PLEKHD1: variants seen among roughly 807,000 people sequenced by gnomAD.
PLEKHD1 encodes the protein pleckstrin homology and coiled-coil domain containing D1.
Under a neutral mutation model 69.2 loss-of-function variants are expected in PLEKHD1, and 51 were observed. The ratio of observed to expected loss-of-function variants is 0.74; its 90% CI spans 0.59 to 0.93. The LOEUF (loss-of-function observed/expected upper bound fraction) is 0.93. Among genes scored for constraint, PLEKHD1 ranks in the 40% least tolerant of loss-of-function variants. The pLI is 0.00. For missense variants in PLEKHD1, 584 were observed against 641.0 expected, an observed-to-expected ratio of 0.91 and a Z score of 0.96; for synonymous variants, 236 against 244.7, an observed-to-expected ratio of 0.96 and a Z score of 0.33.
chr14:69,502,728 T>C, intron 5 of PLEKHD1, 99 bp from the exon 6 acceptor site: 3 of 1,468,028 alleles, frequency 2.0e-6, no homozygotes, highest in Non-Finnish European at 2.8e-6. Flanking sequence ...TGGGAGATGC[T>C]GGGGGTGACA....
chr14:69,507,571 G>GT (rs1218496486), intron 6 of PLEKHD1, among the ~76,000 whole-genome samples: 42 of 152,314 alleles, frequency 2.8e-4, no homozygotes, highest in African/African-American at 8.2e-4. Flanking sequence ...GTTCAGTTTT[G>GT]TAAGAAGTTG....
At chr14:69,499,225 GCACACACACACACA>G (rs10551303) in intron 1 of PLEKHD1, among the ~76,000 whole-genome samples, 6,356 of 144,396 alleles carry the variant, frequency 0.044, 152 homozygotes, top group Middle Eastern at 0.063. Flanking sequence ...TCTCATACGT[GCACACACACACACA>G]CACACACACA....
intron 1 of PLEKHD1, among the ~76,000 whole-genome samples, chr14:69,489,413 G>T (rs935989628): frequency 1.3e-5 from 2 of 151,882 alleles, no homozygotes; most frequent in Non-Finnish European, 2.9e-5. Context: ...ACAAAGATTA[G>T]CCAGGCATGG....
At chr14:69,497,786 G>A (rs1182559301) in intron 1 of PLEKHD1, among the ~76,000 whole-genome samples, 1 of 152,204 alleles carries the variant, frequency 6.6e-6, no homozygotes, top group Non-Finnish European at 1.5e-5. Flanking sequence ...TTCCGCAGTG[G>A]GGGCAGAAAG....
the PLEKHD1 span, among the ~76,000 whole-genome samples, chr14:69,468,517 C>T: frequency 1.3e-5 from 2 of 152,012 alleles, no homozygotes; most frequent in Non-Finnish European, 2.9e-5. Context: ...TCACATTTGT[C>T]GACAATCACC....
At chr14:69,485,695 T>C (rs536395182) in intron 1 of PLEKHD1, among the ~76,000 whole-genome samples, 34 of 152,252 alleles carry the variant, frequency 2.2e-4, no homozygotes, top group Admixed American at 1.2e-3. Flanking sequence ...CTTGAAATAA[T>C]TTTTTTAAAA....
In PLEKHD1 at chr14:69,484,928, G is replaced by A; in HGVS notation, c.-38G>A. On this transcript the variant is annotated 5_prime_UTR_variant, in exon 1 of 13. Transcript: ENST00000322564. Reference sequence around the variant, plus strand: ...CCCGAGTCCCTGCTGACCCCGGGGAGGTGGGGTCCGGGCCGGGCACAGCCC... The same window carrying A: ...CCCGAGTCCCTGCTGACCCCGGGGAAGTGGGGTCCGGGCCGGGCACAGCCC... 2 of 1,542,518 alleles carry A rather than the reference G, an allele frequency of 1.3e-6. No individual in the cohort carries two copies. Among genetic ancestry groups the A allele is most frequent in the Non-Finnish European group, 1.8e-6 (2 of 1,141,148 alleles).
chr14:69,515,200 C>T (rs752031858), intron 6 of PLEKHD1, among the ~76,000 whole-genome samples: 7 of 152,108 alleles, frequency 4.6e-5, no homozygotes, highest in East Asian at 1.9e-4. Context: ...TCTGTCTCAA[C>T]AAACCAACCA....
At chr14:69,503,912 G>T (rs1025695637) in intron 6 of PLEKHD1, among the ~76,000 whole-genome samples, 76 of 150,008 alleles carry the variant, frequency 5.1e-4, no homozygotes, top group African/African-American at 1.6e-3. Flanking sequence ...ACTGGGCCTT[G>T]CCTGTTCTGA....
At chr14:69,495,320 C>G (rs535096719) in intron 1 of PLEKHD1, among the ~76,000 whole-genome samples, 2 of 152,196 alleles carry the variant, frequency 1.3e-5, no homozygotes, top group Non-Finnish European at 2.9e-5. Flanking sequence ...TGCCTTTACC[C>G]TGACAATCTG....
intron 4 of PLEKHD1, chr14:69,501,307 C>A: frequency 2.7e-6 from 1 of 369,640 alleles, no homozygotes; most frequent in Non-Finnish European, 5.0e-6. Context: ...CAGAAATCTC[C>A]TGCCAACCCA....
chr14:69,490,483 A>G (rs1882753902), intron 1 of PLEKHD1, among the ~76,000 whole-genome samples: 1 of 152,170 alleles, frequency 6.6e-6, no homozygotes. Flanking sequence ...CTAACAGGCC[A>G]TGGACTGGTA....
chr14:69,471,012 C>T, the PLEKHD1 span, among the ~76,000 whole-genome samples: 2 of 148,334 alleles, frequency 1.3e-5, no homozygotes, highest in African/African-American at 2.5e-5. Flanking sequence ...AGGATGGTCT[C>T]GATCTCCTGA....
Position 69,516,670 on chromosome 14 carries a change from T to A in PLEKHD1, c.556-5613T>A, listed in dbSNP as rs555100798. On this transcript the variant is annotated intron_variant, in intron 6 of 12. Transcript: ENST00000322564. ...AGGAAAAAGGGTGGGTATCATGTTT[T>A]GATTTCCATTTTTGCGGGGGAGGGT... Among the ~76,000 whole-genome samples the A allele has an allele frequency of 3.3e-5, 5 of 152,262 alleles. No individual in the cohort carries two copies. In the South Asian group the frequency reaches 1.0e-3, roughly 32 times the overall value.
chr14:69,526,637 T>C, intron 9 of PLEKHD1, 60 bp from the exon 10 acceptor site: 1 of 1,438,830 alleles, frequency 7.0e-7, no homozygotes, highest in South Asian at 1.5e-5. Flanking sequence ...GAGCTGTCCA[T>C]CCATTGGCAA....
At position 69,527,951 on chromosome 14, in the gene PLEKHD1, G is replaced by T; in HGVS notation, c.1351+19G>T. 5.2e-6 allele frequency: 8 copies of T among 1,551,126 alleles called. No individual in the cohort carries two copies. The highest frequency in any genetic ancestry group is 7.0e-6 in the Non-Finnish European group (8 of 1,146,998). On this transcript the variant is annotated intron_variant, in intron 12 of 12. Coordinates refer to ENST00000322564, the MANE Select transcript of PLEKHD1 (RefSeq NM_001161498.2). ...AATGACAGTGAGTGTGGCTGTCTGC[G>T]TGCCCTGGTGGGATGGTGACAAGGC...
chr14:69,500,364 C>A, intron 2 of PLEKHD1, 156 bp downstream of exon 2: 2 of 725,590 alleles, frequency 2.8e-6, no homozygotes, highest in Admixed American at 2.8e-5. Context: ...TGCCCCTGTC[C>A]TGGGCTGGAC....
At chr14:69,520,771 T>C (rs7144320) in intron 6 of PLEKHD1, among the ~76,000 whole-genome samples, 106,025 of 152,154 alleles carry the variant, frequency 0.7, 38,231 homozygotes, top group Admixed American at 0.81. Context: ...ATATTATGTC[T>C]ATATATGGTA....
At chr14:69,474,907 G>A in the PLEKHD1 span, among the ~76,000 whole-genome samples, 1 of 152,010 alleles carries the variant, frequency 6.6e-6, no homozygotes, top group East Asian at 1.9e-4. Context: ...CCAGGCTGGA[G>A]TGTGGTGGTG....
Sources: allele counts gnomAD v4.1 joint callset (sites outside exome capture counted in the v4.1 genomes callset), GRCh38; gene constraint gnomAD v4.1.1; transcripts MANE v1.5; gene names NCBI Gene and HGNC (gene_info 2026-07-23, HGNC 2026-07-21).